Variants in PDE4C observed in about 807,000 individuals in gnomAD.
The protein encoded by PDE4C is 3',5'-cyclic-AMP phosphodiesterase 4C.
Under a neutral mutation model 63.9 loss-of-function variants are expected in PDE4C, and 50 were observed. The ratio of observed to expected loss-of-function variants is 0.78; its 90% CI spans 0.62 to 0.99. The LOEUF is 0.99. Ranked by LOEUF, PDE4C falls within the 50% of genes least tolerant of loss-of-function variation. PDE4C has a pLI of 0.00. For missense variants in PDE4C, 777 were observed against 899.1 expected (o/e 0.86, Z 1.74); for synonymous variants, 377 against 385.1 (o/e 0.98, Z 0.25).
chr19:18,212,553 C>T (rs1040362832), intron 13 of PDE4C, among the ~76,000 whole-genome samples: 1 of 151,104 alleles, frequency 6.6e-6, no homozygotes, highest in African/African-American at 2.4e-5. Context: ...CAGCTCACTG[C>T]AGCCTCTAAC....
At position 18,220,424 on chromosome 19, in the gene PDE4C, C is replaced by A. The variant is rs1191266795; in HGVS notation, c.591G>T (p.Val197=). The A allele has an allele frequency of 6.2e-7, 1 of 1,614,080 alleles. No homozygotes were observed. Among genetic ancestry groups the A allele is most frequent in the Non-Finnish European group, 8.5e-7 (1 of 1,180,036 alleles). The change falls in exon 6 of 15, where the codon GTG becomes GTT. Residue 197 remains valine (V), a synonymous_variant. Transcript: ENST00000262805. This position sits in a 1 kb window ranked among gnomAD's most constrained non-coding sequence, Gnocchi z 5.1. ...TCACCTTGTTGGAGGCCATCTCCCC[C>A]ACCGAGTGCCGGGTCTGCAGCGTCT... is the stretch of plus-strand genomic sequence containing the variant.
chr19:18,209,052 G>A (rs559548461), downstream of PDE4C: 1 of 152,130 alleles, frequency 6.6e-6, no homozygotes, highest in African/African-American at 2.4e-5. Flanking sequence ...AGCAACAACT[G>A]GTGCATAGGT....
chr19:18,233,122 T>G, exon 1 of PDE4C: 1 of 1,561,210 alleles, frequency 6.4e-7, no homozygotes, highest in South Asian at 1.2e-5. Context: ...CTGGTCATGC[T>G]GTGGCGGCCG....
At chr19:18,243,234 C>G (rs780358870) in intron 1 of PDE4C, among the ~76,000 whole-genome samples, 1 of 152,036 alleles carries the variant, frequency 6.6e-6, no homozygotes, top group African/African-American at 2.4e-5. Flanking sequence ...CTCAGCCTCC[C>G]GAGTAGCTGG....
intron 1 of PDE4C, among the ~76,000 whole-genome samples, chr19:18,239,525 G>T (rs942215790): frequency 6.6e-6 from 1 of 152,148 alleles, no homozygotes; most frequent in South Asian, 2.1e-4. Context: ...TGGGACCCAC[G>T]TGCGCCAGAC....
chr19:18,229,918 T>C (rs1209113593), upstream of PDE4C, among the ~76,000 whole-genome samples: 2 of 151,990 alleles, frequency 1.3e-5, no homozygotes, highest in Non-Finnish European at 2.9e-5. Flanking sequence ...TGTTCCAGTC[T>C]CTCCCCACTC....
rs1401573392 is a variant in PDE4C, at chr19:18,220,454, C to A, written c.561G>T (p.Gln187His). ...AGTGCCGGGTCTGCAGCGTCTCCAA[C>A]TGATCCAGGCACCAGTCCAGCTCGT... Residue 187 changes from glutamine to histidine, a missense_variant, in exon 6 of 15, where the codon CAG becomes CAT. This residue lies in a region of PDE4C where 28 missense variants were observed against 53.5 expected (regional missense o/e 0.52). Coordinates refer to ENST00000262805, the Ensembl canonical transcript of PDE4C. This position sits in a 1 kb window ranked among gnomAD's most constrained non-coding sequence, Gnocchi z 5.1. The A allele has an allele frequency of 1.2e-6, 2 of 1,614,090 alleles. No homozygotes were observed. The highest frequency in any genetic ancestry group is 2.7e-5 in the African/African-American group (2 of 74,928).
chr19:18,251,624 G>A (rs1377067179), upstream of PDE4C, among the ~76,000 whole-genome samples: 1 of 141,088 alleles, frequency 7.1e-6, no homozygotes, highest in Non-Finnish European at 1.5e-5. Context: ...TAATAGAGAC[G>A]GGGTTTCACC....
upstream of PDE4C, among the ~76,000 whole-genome samples, chr19:18,237,424 G>A (rs28494059): frequency 3.2e-3 from 489 of 152,212 alleles, 3 homozygotes; most frequent in African/African-American, 0.011. Context: ...GGTGGTGCAT[G>A]CCTGTAATTC....
chr19:18,218,780 C>T (rs1008504151), intron 9 of PDE4C, among the ~76,000 whole-genome samples, 160 bp downstream of exon 9: 2 of 152,228 alleles, frequency 1.3e-5, no homozygotes, highest in Non-Finnish European at 2.9e-5. Flanking sequence ...AACTGTTCAT[C>T]TGAGTGAACT....
intron 1 of PDE4C, among the ~76,000 whole-genome samples, chr19:18,240,133 A>C (rs1000127365): frequency 6.6e-6 from 1 of 151,624 alleles, no homozygotes; most frequent in Non-Finnish European, 1.5e-5. Context: ...TCAAAAAATA[A>C]AAAAGTAAAA....
At chr19:18,212,712 G>A (rs1271208736) in intron 13 of PDE4C, among the ~76,000 whole-genome samples, 3 of 148,850 alleles carry the variant, frequency 2.0e-5, no homozygotes, top group Non-Finnish European at 3.0e-5. Context: ...TTTTTGAGAT[G>A]GAGTCTTGCT....
chr19:18,222,280 C>A, exon 2 of PDE4C: 1 of 1,613,436 alleles, frequency 6.2e-7, no homozygotes, highest in African/African-American at 1.3e-5. Flanking sequence ...GACTGAGGGT[C>A]CAGGGCCCTC....
In PDE4C at chr19:18,219,000, G is replaced by C. The variant is rs879077826; in HGVS notation, c.909C>G (p.Phe303Leu). ...GGTTCCCACTTAGCTCCGCCACCTTGAACACATCAAGTCCCCACTTGTTGG... is the reference window on the plus strand; with the variant it reads ...GGTTCCCACTTAGCTCCGCCACCTTCAACACATCAAGTCCCCACTTGTTGG... The change falls in exon 9 of 15, where the codon TTC becomes TTG. Residue 303 changes from phenylalanine to leucine, a missense_variant. Phe to Leu is a conservative substitution (Grantham distance 22). Around this residue, in one of 3 missense-constraint regions of PDE4C, gnomAD observed 500 missense variants for 597.8 expected, o/e 0.84. Coordinates refer to ENST00000262805, the Ensembl canonical transcript of PDE4C. 5.6e-6 allele frequency: 9 copies of C among 1,613,566 alleles called. No homozygotes were observed. In the Admixed American group the frequency reaches 1.5e-4, roughly 27 times the overall value.
At chr19:18,216,798 G>T (rs200776767) in exon 12 of PDE4C, 1 of 1,614,122 alleles carries the variant, frequency 6.2e-7, no homozygotes, top group Middle Eastern at 1.6e-4. Flanking sequence ...GGTTCTGGAA[G>T]ATATCGCAGT....
At chr19:18,254,803 A>G in the PDE4C span, among the ~76,000 whole-genome samples, 1 of 152,174 alleles carries the variant, frequency 6.6e-6, no homozygotes, top group African/African-American at 2.4e-5. Flanking sequence ...TAAGTCAGAC[A>G]CCCAGAAGAA....
At chr19:18,222,507 G>C (rs777679831) in intron 1 of PDE4C, among the ~76,000 whole-genome samples, 184 bp from the exon 2 acceptor site, 4 of 151,758 alleles carry the variant, frequency 2.6e-5, no homozygotes, top group Admixed American at 6.6e-5. Context: ...TTTGGTCTTT[G>C]AGTCTACACT....
chr19:18,250,688 C>G (rs906941271), upstream of PDE4C, among the ~76,000 whole-genome samples: 10 of 152,122 alleles, frequency 6.6e-5, no homozygotes, highest in Non-Finnish European at 1.5e-4. Flanking sequence ...CTCACTGCAG[C>G]CTCTATCTCC....
rs1242289326 is a variant in PDE4C, at chr19:18,220,327, G to A, written c.613-8C>T. On this transcript the variant is annotated splice_polypyrimidine_tract_variant and splice_region_variant and intron_variant, in intron 6 of 14. Coordinates refer to ENST00000262805, the Ensembl canonical transcript of PDE4C. The surrounding 1 kb of genome is among the most constrained non-coding windows in gnomAD (Gnocchi z 5.1). Reference sequence around the variant, plus strand: ...GTTCAGGATCCGCTTGAACTGGGGCGGAGAGAAGGTGAAGACCGTGATGAT... The same window carrying A: ...GTTCAGGATCCGCTTGAACTGGGGCAGAGAGAAGGTGAAGACCGTGATGAT... The A allele has an allele frequency of 3.7e-6, 6 of 1,613,876 alleles. No homozygotes were observed. The Admixed American group carries it at 5.0e-5, about 13-fold the overall frequency.
Sources: allele counts gnomAD v4.1 joint callset (sites outside exome capture counted in the v4.1 genomes callset), GRCh38; gene constraint gnomAD v4.1.1; regional missense constraint gnomAD v4.1.1; non-coding constraint Gnocchi (gnomAD v3.1); transcripts MANE v1.5; gene names NCBI Gene and HGNC (gene_info 2026-07-23, HGNC 2026-07-21).